The following DIAPH2 variants were observed in gnomAD, a reference collection of about 807,000 sequenced individuals.
DIAPH2 encodes protein diaphanous homolog 2.
In DIAPH2, 35 loss-of-function variants were observed where a neutral mutation model predicts 92.7. That is an observed-to-expected ratio of 0.38 (90% CI 0.29 to 0.50). DIAPH2 has a LOEUF of 0.50. Among genes scored for constraint, DIAPH2 ranks in the 20% least tolerant of loss-of-function variants. DIAPH2 has a pLI of 0.94. For missense variants in DIAPH2, 701 were observed against 819.5 expected (o/e 0.86, Z 1.77); for synonymous variants, 301 against 280.4 (o/e 1.07, Z -0.73).
At chrX:96,878,050 G>C (rs2065191120) in intron 4 of DIAPH2, among the ~76,000 whole-genome samples, 1 of 111,810 alleles carries the variant, frequency 8.9e-6, no homozygotes, top group Admixed American at 9.5e-5. Context: ...CCATTATCTA[G>C]TTGTTTCCTT....
At chrX:97,560,911 G>T (rs954646878) in intron 26 of DIAPH2, among the ~76,000 whole-genome samples, 1 of 112,377 alleles carries the variant, frequency 8.9e-6, no homozygotes, top group South Asian at 3.7e-4. Context: ...ACATTAACAA[G>T]AATTTTCATA....
intron 24 of DIAPH2, among the ~76,000 whole-genome samples, chrX:97,370,232 C>T (rs2069433030): frequency 9.0e-6 from 1 of 111,655 alleles, no homozygotes; most frequent in South Asian, 3.8e-4. Context: ...TCTTCCTTTC[C>T]CTGTCCCTCT....
intron 4 of DIAPH2, among the ~76,000 whole-genome samples, chrX:96,856,839 C>T (rs1041246963): frequency 9.1e-6 from 1 of 110,331 alleles, no homozygotes; most frequent in African/African-American, 3.3e-5. Flanking sequence ...GAGTTTGAAA[C>T]CAGCCTGGCC....
chrX:96,968,010 A>G (rs1399052527), intron 17 of DIAPH2, among the ~76,000 whole-genome samples: 1 of 110,018 alleles, frequency 9.1e-6, no homozygotes, highest in African/African-American at 3.3e-5. Context: ...TTACATTCTT[A>G]CCAACAGTAT....
chrX:97,039,568 G>A (rs930103850), intron 17 of DIAPH2, among the ~76,000 whole-genome samples: 4 of 111,132 alleles, frequency 3.6e-5, no homozygotes, highest in Non-Finnish European at 5.7e-5. Context: ...ATTATCATTG[G>A]CTTCCATTCA....
chrX:97,485,356 A>T (rs998462535), intron 26 of DIAPH2, among the ~76,000 whole-genome samples: 1 of 111,704 alleles, frequency 9.0e-6, no homozygotes, highest in Non-Finnish European at 1.9e-5. Flanking sequence ...GCCCCCATCT[A>T]TAAAATAAGG....
chrX:97,202,945 C>T (rs1013373707), intron 22 of DIAPH2, among the ~76,000 whole-genome samples: 5 of 111,911 alleles, frequency 4.5e-5, no homozygotes, highest in Non-Finnish European at 7.5e-5. Context: ...TCAGCAAATG[C>T]AAAACAATGG....
At chrX:97,491,244 AC>A (rs1167081857) in intron 26 of DIAPH2, among the ~76,000 whole-genome samples, 1 of 110,986 alleles carries the variant, frequency 9.0e-6, no homozygotes, top group Non-Finnish European at 1.9e-5. Context: ...TCTTTTGGTT[AC>A]CATTTGTGTG....
chrX:97,249,676 G>A (rs978715214), intron 23 of DIAPH2, among the ~76,000 whole-genome samples: 3 of 111,769 alleles, frequency 2.7e-5, no homozygotes, highest in Non-Finnish European at 5.6e-5. Context: ...AGAAAGAGAC[G>A]AACGAAATGC....
intron 4 of DIAPH2, among the ~76,000 whole-genome samples, chrX:96,852,606 G>T (rs867270062): frequency 9.0e-6 from 1 of 111,575 alleles, no homozygotes. Context: ...CCAAAGAACA[G>T]GAAGTCTTAG....
At chrX:97,441,331 C>A in intron 26 of DIAPH2, among the ~76,000 whole-genome samples, 1 of 109,025 alleles carries the variant, frequency 9.2e-6, no homozygotes. Flanking sequence ...AGGAGAATCG[C>A]TTGAACCTCT....
intron 25 of DIAPH2, among the ~76,000 whole-genome samples, chrX:97,414,611 G>A (rs1691607163): frequency 1.0e-5 from 1 of 100,268 alleles, no homozygotes; most frequent in Non-Finnish European, 2.0e-5. Context: ...GGGAGATCAC[G>A]CCACTGTACT....
At chrX:96,948,085 CAG>C (rs1205923149) in intron 14 of DIAPH2, among the ~76,000 whole-genome samples, 1 of 112,224 alleles carries the variant, frequency 8.9e-6, no homozygotes, top group African/African-American at 3.2e-5. Flanking sequence ...ATCCTACTGT[CAG>C]AGTTTGTGAA....
chrX:96,976,097 G>A (rs919977208), intron 17 of DIAPH2, among the ~76,000 whole-genome samples: 7 of 97,264 alleles, frequency 7.2e-5, no homozygotes, highest in Non-Finnish European at 1.2e-4. Context: ...CTGCGGCCTC[G>A]ACCTCCCAGG....
At chrX:96,927,384 A>C (rs1171644713) in intron 9 of DIAPH2, among the ~76,000 whole-genome samples, 1 of 107,501 alleles carries the variant, frequency 9.3e-6, no homozygotes, top group Non-Finnish European at 1.9e-5. Flanking sequence ...GAAGTTGAGC[A>C]TATGAATTTT....
intron 20 of DIAPH2, among the ~76,000 whole-genome samples, chrX:97,101,227 A>G (rs2147364737): frequency 9.1e-6 from 1 of 110,363 alleles, no homozygotes; most frequent in South Asian, 3.9e-4. Context: ...TACAGTAGGT[A>G]TACTACACAA....
intron 4 of DIAPH2, among the ~76,000 whole-genome samples, chrX:96,767,691 ATGGGATTTATTC>A (rs1047054953): frequency 1.1e-4 from 12 of 111,547 alleles, no homozygotes; most frequent in African/African-American, 3.9e-4. Flanking sequence ...AAAGGGAAAA[ATGGGATTTATTC>A]TGGGTCAAGA....
intron 4 of DIAPH2, among the ~76,000 whole-genome samples, chrX:96,845,883 C>T (rs769954876): frequency 9.0e-6 from 1 of 111,280 alleles, no homozygotes; most frequent in Non-Finnish European, 1.9e-5. Context: ...TGGGTTCAAG[C>T]GATTCACCTG....
chrX:96,761,528 A>G (rs1013912600), intron 4 of DIAPH2, among the ~76,000 whole-genome samples: 3 of 111,154 alleles, frequency 2.7e-5, no homozygotes, highest in African/African-American at 3.3e-5. Flanking sequence ...GCTCTTTTCC[A>G]GGTATGATCT....
Sources: gnomAD v4.1 joint callset for allele counts (sites outside exome capture counted in the v4.1 genomes callset) on GRCh38, gnomAD v4.1.1 for gene constraint, MANE v1.5 for transcripts, NCBI Gene and HGNC (gene_info 2026-07-23, HGNC 2026-07-21) for gene names.